Variants in STRADA observed in about 807,000 individuals in gnomAD.
The protein encoded by STRADA is STE20-related kinase adapter protein alpha.
STRADA carries 26 observed loss-of-function variants against 55.0 expected under a neutral mutation model. The ratio of observed to expected loss-of-function variants is 0.47; its 90% CI spans 0.35 to 0.66. The LOEUF (loss-of-function observed/expected upper bound fraction) is 0.66. STRADA is among the 30% of genes least tolerant of loss of function. The probability of loss-of-function intolerance (pLI) is 0.01; values close to 1 mark genes in which losing one functional copy is unlikely to be tolerated. For synonymous variants in STRADA, 197 were observed against 210.9 expected, an observed-to-expected ratio of 0.93 and a Z score of 0.57; for missense variants, 443 against 549.7, an observed-to-expected ratio of 0.81 and a Z score of 1.94.
intron 8 of STRADA, among the ~76,000 whole-genome samples, chr17:63,710,032 CTT>C (rs199783375): frequency 1.9e-4 from 25 of 132,216 alleles, no homozygotes; most frequent in African/African-American, 2.3e-4. Context: ...ATCCTTCTCT[CTT>C]TTTTTTTTTT....
chr17:63,739,040 C>A (rs564136116), intron 1 of STRADA, among the ~76,000 whole-genome samples: 75 of 149,020 alleles, frequency 5.0e-4, no homozygotes, highest in African/African-American at 1.8e-3. Flanking sequence ...GTAGTCCCAG[C>A]TACTTGGGAG....
rs186339975 is a variant in STRADA, at chr17:63,710,729, G to A, written c.456C>T (p.Tyr152=). The A allele has an allele frequency of 1.4e-5, 22 of 1,614,054 alleles. No homozygotes were observed. The Middle Eastern group carries it at 4.9e-4, about 36-fold the overall frequency. ...TACCAAGAACCCTTTCCCACTCACC[G>A]TATGCCATGAATGATGTGACAACCC... is the stretch of plus-strand genomic sequence containing the variant. The part of the protein sequence containing the change: ...ELWVVTSFMA[Y]GSAKDLICTH... Residue 152 remains tyrosine (Y), a splice_region_variant and synonymous_variant, in exon 7 of 13, where the codon TAC becomes TAT. Coordinates refer to ENST00000336174, the MANE Select transcript of STRADA (RefSeq NM_001003787.4).
intron 4 of STRADA, among the ~76,000 whole-genome samples, chr17:63,719,381 C>T (rs1425163831): frequency 6.6e-6 from 1 of 152,186 alleles, no homozygotes; most frequent in African/African-American, 2.4e-5. Context: ...TAAAATTTCT[C>T]TCACTTGAAA....
At chr17:63,726,412 T>A (rs2037661840) in intron 3 of STRADA, 1 of 457,664 alleles carries the variant, frequency 2.2e-6, no homozygotes, top group Non-Finnish European at 3.8e-6. Flanking sequence ...ATATATGCTT[T>A]TAAGTAAATA....
intron 6 of STRADA, 62 bp downstream of exon 6, chr17:63,713,344 G>A (rs943009541): frequency 6.3e-7 from 1 of 1,584,466 alleles, no homozygotes; most frequent in Non-Finnish European, 8.6e-7. Context: ...GTAATTCCTT[G>A]TAATTCCTAT....
chr17:63,713,382 T>C (rs1235258646), intron 6 of STRADA, 24 bp downstream of exon 6: 1 of 1,610,438 alleles, frequency 6.2e-7, no homozygotes, highest in African/African-American at 1.3e-5. Flanking sequence ...CCTCCCTCCA[T>C]GTGACACACT....
chr17:63,741,708 G>T (rs921761797), intron 1 of STRADA, 33 bp downstream of exon 1: 1 of 152,250 alleles, frequency 6.6e-6, no homozygotes, highest in Non-Finnish European at 1.5e-5. Context: ...GACTGGCCCC[G>T]GCAGCGTACC....
In STRADA at chr17:63,706,646, G is replaced by A. The variant is rs868651797; in HGVS notation, c.847C>T (p.Pro283Ser). 5 of 1,612,720 alleles carry A rather than the reference G, an allele frequency of 3.1e-6. No individual in the cohort carries two copies. Among genetic ancestry groups the A allele is most frequent in the Non-Finnish European group, 4.2e-6 (5 of 1,179,158 alleles). Residue 283 changes from proline to serine, a missense_variant, in exon 10 of 13, where the codon CCT becomes TCT. By Grantham distance (74) the Pro-to-Ser change is moderately conservative. Transcript: ENST00000336174. ...ANGHVPFKDM[P>S]ATQMLLEKLN... ...GGCGGCAGGCTTACCTGGGTGGCAG[G>A]CATATCCTTAAAGGGGACATGGCCG...
chr17:63,706,552 TG>T lies in STRADA; in HGVS notation c.858+82del, dbSNP rs144488731. 8.8e-3 allele frequency: 8,345 copies of T among 953,022 alleles called. 476 individuals are homozygous for T. The African/African-American group carries it at 0.12, about 14-fold the overall frequency. 59.0% of individuals were successfully genotyped at this position (953,022 alleles called of 1,614,324 possible). A position where few individuals can be genotyped will look rare whatever the true frequency, so the allele number is the denominator to read the frequency against. ...GTCTTTCATCTTAGTATTCCTAGTC[TG>T]TGTCCTGAGTGTGAGAGCTACTCAA... On this transcript the variant is annotated intron_variant, in intron 10 of 12. Coordinates refer to ENST00000336174, the MANE Select transcript of STRADA (RefSeq NM_001003787.4).
intron 3 of STRADA, chr17:63,723,904 A>G (rs1455923548): frequency 2.6e-5 from 4 of 152,300 alleles, no homozygotes; most frequent in African/African-American, 9.6e-5. Context: ...GAAAATGAAC[A>G]AAACAAAGGA....
intron 8 of STRADA, among the ~76,000 whole-genome samples, chr17:63,707,856 G>A (rs896743284): frequency 2.7e-4 from 40 of 150,872 alleles, no homozygotes; most frequent in African/African-American, 8.8e-4. Flanking sequence ...TCAGCCTCCC[G>A]AGTAGCTGGG....
chr17:63,739,587 A>G (rs930785871), intron 1 of STRADA, among the ~76,000 whole-genome samples: 3 of 151,980 alleles, frequency 2.0e-5, no homozygotes, highest in Non-Finnish European at 2.9e-5. Flanking sequence ...GGGCAGATGG[A>G]TATCATTCGA....
rs775961783 is a variant in STRADA at position 63,713,991 on chromosome 17, G to A, written c.226+15C>T. On this transcript the variant is annotated intron_variant, in intron 5 of 12. Transcript: ENST00000336174. Reference sequence around the variant, plus strand: ...GAGCAGAAAGCAGGAGAGTAAGGACGGCCCCTGCACATACCTATCACAGTG... The same window carrying A: ...GAGCAGAAAGCAGGAGAGTAAGGACAGCCCCTGCACATACCTATCACAGTG... The A allele has an allele frequency of 1.3e-5, 21 of 1,603,998 alleles. No homozygotes were observed. Among genetic ancestry groups the A allele is most frequent in the South Asian group, 5.5e-5 (5 of 90,880 alleles).
chr17:63,728,133 G>A (rs2037778033), intron 2 of STRADA: 1 of 519,632 alleles, frequency 1.9e-6, no homozygotes, highest in Non-Finnish European at 3.4e-6. Flanking sequence ...ACAAGCTGGT[G>A]GTAAATTTTG....
chr17:63,734,805 A>C (rs549040299), intron 1 of STRADA, among the ~76,000 whole-genome samples: 1 of 152,274 alleles, frequency 6.6e-6, no homozygotes, highest in South Asian at 2.1e-4. Flanking sequence ...AAATGTTTCA[A>C]AGATAGTAAA....
chr17:63,710,586 G>C lies in STRADA; in HGVS notation c.486C>G (p.His162Gln), dbSNP rs564358992. 3.7e-6 allele frequency: 6 copies of C among 1,614,062 alleles called. No individual in the cohort carries two copies. The East Asian group carries it at 8.9e-5, about 24-fold the overall frequency. ...CCAGCTCATTCATGCCATCCATGAA[G>C]TGTGTACAGATGAGATCTTTTGCAG... The part of the protein sequence containing the change: ...YGSAKDLICT[H>Q]FMDGMNELAI... Residue 162 changes from histidine (H) to glutamine (Q), a missense_variant, in exon 8 of 13, where the codon CAC (histidine) becomes CAG (glutamine). Physicochemically the swap from His to Gln is conservative, Grantham distance 24. Transcript: ENST00000336174.
intron 3 of STRADA, among the ~76,000 whole-genome samples, chr17:63,724,800 T>C (rs944817814): frequency 6.6e-6 from 1 of 152,164 alleles, no homozygotes; most frequent in Non-Finnish European, 1.5e-5. Flanking sequence ...TGTTCCACTA[T>C]CCTTTCCTTT....
chr17:63,735,300 A>G (rs2038341076), intron 1 of STRADA, among the ~76,000 whole-genome samples: 1 of 152,228 alleles, frequency 6.6e-6, no homozygotes, highest in Admixed American at 6.5e-5. Context: ...ATGGCGTAGT[A>G]AAAAAAGCAC....
chr17:63,730,725 A>G (rs745669517), intron 1 of STRADA, among the ~76,000 whole-genome samples: 1 of 151,462 alleles, frequency 6.6e-6, no homozygotes, highest in Non-Finnish European at 1.5e-5. Context: ...CACCTGGCTA[A>G]TTTTTTTGTA....
Sources: allele counts gnomAD v4.1 joint callset (sites outside exome capture counted in the v4.1 genomes callset), GRCh38; gene constraint gnomAD v4.1.1; transcripts MANE v1.5; gene names NCBI Gene and HGNC (gene_info 2026-07-23, HGNC 2026-07-21).